Variants in WDR49 observed in about 807,000 individuals in gnomAD.
WDR49 encodes the protein cilia- and flagella-associated protein 337.
A neutral mutation model predicts 119.5 loss-of-function variants in WDR49; 107 were observed. The observed-to-expected ratio is 0.90, with a 90% confidence interval of 0.77 to 1.05. The LOEUF is 1.05. Ranked by LOEUF, WDR49 falls within the 50% of genes least tolerant of loss-of-function variation. The pLI is 0.00. For synonymous variants in WDR49, 425 were observed against 418.8 expected, an observed-to-expected ratio of 1.01 and a Z score of -0.18; for missense variants, 1,240 against 1,220.5, an observed-to-expected ratio of 1.02 and a Z score of -0.24.
chr3:167,639,866 C>CT (rs1717798903), intron 2 of WDR49, among the ~76,000 whole-genome samples: 1 of 151,728 alleles, frequency 6.6e-6, no homozygotes. Context: ...CTCTCTGTGC[C>CT]TATACCTAGG....
At chr3:167,516,749 C>A (rs1752224461) in intron 16 of WDR49, among the ~76,000 whole-genome samples, 1 of 152,006 alleles carries the variant, frequency 6.6e-6, no homozygotes, top group Non-Finnish European at 1.5e-5. Flanking sequence ...TTCTGCACAG[C>A]AAAAGAAACT....
intron 2 of WDR49, among the ~76,000 whole-genome samples, chr3:167,639,176 T>C (rs1432086169): frequency 6.6e-6 from 1 of 151,730 alleles, no homozygotes; most frequent in Non-Finnish European, 1.5e-5. Flanking sequence ...TGATTTTCAT[T>C]TGGAAATCTC....
intron 2 of WDR49, 123 bp from the exon 3 acceptor site, chr3:167,627,415 T>C (rs955132117): frequency 9.3e-6 from 9 of 972,334 alleles, no homozygotes; most frequent in Non-Finnish European, 1.2e-5. Flanking sequence ...AAGAAAAATA[T>C]TTTTTGCTTC....
intron 5 of WDR49, among the ~76,000 whole-genome samples, chr3:167,616,495 G>C (rs1233798700): frequency 6.6e-6 from 1 of 152,082 alleles, no homozygotes; most frequent in African/African-American, 2.4e-5. Context: ...TCAGCACACA[G>C]AGCAGGAAAC....
Position 167,478,894 on chromosome 3 carries a change from T to C in WDR49, c.3134A>G (p.Lys1045Arg), listed in dbSNP as rs751376132. The C allele has an allele frequency of 1.2e-6, 2 of 1,605,336 alleles. No homozygotes were observed. The highest frequency in any genetic ancestry group is 1.7e-6 in the Non-Finnish European group (2 of 1,177,596). Residue 1045 changes from lysine (K) to arginine (R), a missense_variant, in exon 19 of 19, where the codon AAG (lysine) becomes AGG (arginine). Physicochemically the swap from Lys to Arg is conservative, Grantham distance 26 (BLOSUM62 2). Transcript: ENST00000682715. ...QLCQEKSCEV[K>R]KNKK ...CTGTTGTAATTACTTCTTATTTTTCTTCACTTCACAACTTTTTTCTTGGCA... is the reference window on the plus strand; with the variant it reads ...CTGTTGTAATTACTTCTTATTTTTCCTCACTTCACAACTTTTTTCTTGGCA...
chr3:167,609,616 C>T (rs1327436330), intron 5 of WDR49, among the ~76,000 whole-genome samples: 2 of 152,100 alleles, frequency 1.3e-5, no homozygotes, highest in African/African-American at 4.8e-5. Flanking sequence ...AAGCTCTAGG[C>T]CATAAAGACT....
At chr3:167,601,527 T>A (rs575202318) in intron 7 of WDR49, among the ~76,000 whole-genome samples, 1 of 152,242 alleles carries the variant, frequency 6.6e-6, no homozygotes, top group African/African-American at 2.4e-5. Context: ...CTCTTAGAGA[T>A]GAAGAAATTT....
rs144717753 is a variant in WDR49 at position 167,542,334 on chromosome 3, C to G, written c.1824-5334G>C. On this transcript the variant is annotated intron_variant, in intron 10 of 18. Coordinates refer to ENST00000682715, the MANE Select transcript of WDR49 (RefSeq NM_001366157.1). ...TCCTACCCAACAACTGCAGAATATA[C>G]ATCCTTTTCATCAGCACATGGAACA... Among the ~76,000 whole-genome samples the G allele has an allele frequency of 1.3e-3, 205 of 152,196 alleles. 4 individuals are homozygous for G. The East Asian group carries it at 0.031, about 23-fold the overall frequency.
chr3:167,510,524 A>G (rs1751932432), intron 16 of WDR49, among the ~76,000 whole-genome samples: 1 of 152,078 alleles, frequency 6.6e-6, no homozygotes, highest in African/African-American at 2.4e-5. Context: ...CTCCATATCA[A>G]TTGTTAACTT....
intron 2 of WDR49, among the ~76,000 whole-genome samples, chr3:167,652,920 A>G (rs1182081239): frequency 6.6e-6 from 1 of 152,214 alleles, no homozygotes; most frequent in Non-Finnish European, 1.5e-5. Context: ...AGGTCACCTT[A>G]GAGATCTGGC....
chr3:167,603,533 T>C (rs7626325), intron 6 of WDR49, among the ~76,000 whole-genome samples: 3,946 of 152,226 alleles, frequency 0.026, 167 homozygotes, highest in East Asian at 0.17. Context: ...TTAATAATCT[T>C]CATATGAATG....
At chr3:167,644,697 T>C (rs897578115) in intron 2 of WDR49, among the ~76,000 whole-genome samples, 3 of 152,178 alleles carry the variant, frequency 2.0e-5, no homozygotes. Flanking sequence ...GGATTAGAAT[T>C]GCTGATTAAA....
chr3:167,544,578 A>G (rs949905400), intron 10 of WDR49, among the ~76,000 whole-genome samples: 1 of 152,086 alleles, frequency 6.6e-6, no homozygotes, highest in Non-Finnish European at 1.5e-5. Context: ...AAAGCAAACA[A>G]AAGCATAAAG....
At chr3:167,655,402 TA>T (rs1196696088), upstream of WDR49, among the ~76,000 whole-genome samples, 1 of 152,172 alleles carries the variant, frequency 6.6e-6, no homozygotes, top group African/African-American at 2.4e-5. Flanking sequence ...TTCTGTAAAC[TA>T]AAAAGTTGGC....
At chr3:167,548,442 CA>C (rs1577231963) in intron 10 of WDR49, among the ~76,000 whole-genome samples, 1 of 151,944 alleles carries the variant, frequency 6.6e-6, no homozygotes, top group African/African-American at 2.4e-5. Context: ...TCTTTTGTCA[CA>C]AGGGGTAATC....
At chr3:167,552,842 C>T (rs62278308) in intron 10 of WDR49, among the ~76,000 whole-genome samples, 42,615 of 151,896 alleles carry the variant, frequency 0.28, 6,145 homozygotes, top group South Asian at 0.32. Context: ...TAATTACCAT[C>T]CCATCCTGCA....
At chr3:167,651,997 T>A (rs1265911694) in intron 2 of WDR49, among the ~76,000 whole-genome samples, 1 of 152,174 alleles carries the variant, frequency 6.6e-6, no homozygotes, top group Non-Finnish European at 1.5e-5. Context: ...GTCAAAGCTG[T>A]CATAATCTGC....
chr3:167,518,732 A>G (rs1752314783), intron 16 of WDR49, among the ~76,000 whole-genome samples: 1 of 149,954 alleles, frequency 6.7e-6, no homozygotes, highest in Admixed American at 6.6e-5. Flanking sequence ...GAAGCTCTTT[A>G]GTTTAATTAG....
chr3:167,478,908 T>C lies in WDR49; in HGVS notation c.3120A>G (p.Lys1040=). Reference sequence around the variant, plus strand: ...TCTTATTTTTCTTCACTTCACAACTTTTTTCTTGGCATAATTGCTTGGCTT... The same window carrying C: ...TCTTATTTTTCTTCACTTCACAACTCTTTTCTTGGCATAATTGCTTGGCTT... ...ERKAKQLCQE[K]SCEVKKNKK Residue 1040 remains lysine, a synonymous_variant, in exon 19 of 19, where the codon AAA becomes AAG. Coordinates refer to ENST00000682715, the MANE Select transcript of WDR49 (RefSeq NM_001366157.1). 1.9e-6 allele frequency: 3 copies of C among 1,608,200 alleles called. No individual in the cohort carries two copies. Among genetic ancestry groups the C allele is most frequent in the Non-Finnish European group, 2.5e-6 (3 of 1,178,726 alleles).
Sources: allele counts gnomAD v4.1 joint callset (sites outside exome capture counted in the v4.1 genomes callset), GRCh38; gene constraint gnomAD v4.1.1; transcripts MANE v1.5; gene names NCBI Gene and HGNC (gene_info 2026-07-23, HGNC 2026-07-21).